Variants in RSBN1 observed in about 807,000 individuals in gnomAD.
RSBN1 encodes round spermatid basic protein 1.
In RSBN1, 23 loss-of-function variants were observed where a neutral mutation model predicts 74.8. The ratio of observed to expected loss-of-function variants is 0.31; its 90% CI spans 0.22 to 0.44. The LOEUF is 0.44. Ranked by LOEUF, RSBN1 falls within the 20% of genes least tolerant of loss-of-function variation. RSBN1 has a pLI of 1.00. For missense variants in RSBN1, 808 were observed against 1,020.9 expected (o/e 0.79, Z 2.84); for synonymous variants, 407 against 379.6 (o/e 1.07, Z -0.84).
intron 4 of RSBN1, among the ~76,000 whole-genome samples, chr1:113,773,513 A>G (rs1307966716): frequency 6.6e-6 from 1 of 151,916 alleles, no homozygotes; most frequent in African/African-American, 2.4e-5. Flanking sequence ...ACAGAGCAAG[A>G]CTCTGTCTAA....
At chr1:113,802,031 T>C (rs534603105) in intron 1 of RSBN1, among the ~76,000 whole-genome samples, 84 of 152,138 alleles carry the variant, frequency 5.5e-4, no homozygotes, top group South Asian at 1.9e-3. Flanking sequence ...CTCGGCTCAC[T>C]GCAACCTCTG....
intron 1 of RSBN1, among the ~76,000 whole-genome samples, chr1:113,800,287 C>G (rs1660555304): frequency 6.6e-6 from 1 of 152,078 alleles, no homozygotes; most frequent in African/African-American, 2.4e-5. Flanking sequence ...AATCAGAATA[C>G]TGTTAACCTG....
intron 2 of RSBN1, among the ~76,000 whole-genome samples, chr1:113,778,830 T>C (rs1320640932): frequency 6.6e-6 from 1 of 152,208 alleles, no homozygotes; most frequent in Non-Finnish European, 1.5e-5. Flanking sequence ...ATTTTCTCTA[T>C]ATCAACTCTC....
chr1:113,799,611 CAG>C, intron 1 of RSBN1, among the ~76,000 whole-genome samples: 1 of 134,790 alleles, frequency 7.4e-6, no homozygotes, highest in East Asian at 2.1e-4. Context: ...CACACACACA[CAG>C]AAAAATATCT....
At chr1:113,774,033 G>T (rs74226074) in intron 4 of RSBN1, among the ~76,000 whole-genome samples, 1 of 151,860 alleles carries the variant, frequency 6.6e-6, no homozygotes, top group Admixed American at 6.6e-5. Context: ...AAACAAACAC[G>T]CATATGCACA....
At chr1:113,804,907 T>TAAA (rs11406398) in intron 1 of RSBN1, among the ~76,000 whole-genome samples, 83 of 131,438 alleles carry the variant, frequency 6.3e-4, no homozygotes, top group Middle Eastern at 4.0e-3. Context: ...TGGTCAAGAG[T>TAAA]AAAAAAAAAA....
intron 2 of RSBN1, among the ~76,000 whole-genome samples, chr1:113,780,867 A>G (rs974531065): frequency 1.3e-5 from 2 of 152,244 alleles, no homozygotes; most frequent in Admixed American, 1.3e-4. Flanking sequence ...CTAGCTAGAG[A>G]AAGCCCTTAT....
At chr1:113,811,328 G>A (rs1362277796) in intron 1 of RSBN1, among the ~76,000 whole-genome samples, 1 of 152,176 alleles carries the variant, frequency 6.6e-6, no homozygotes, top group East Asian at 1.9e-4. Context: ...AGGGAGAGCA[G>A]ATAACTAAAG....
chr1:113,795,162 T>G (rs1031240638), intron 2 of RSBN1, among the ~76,000 whole-genome samples: 1 of 152,164 alleles, frequency 6.6e-6, no homozygotes, highest in Non-Finnish European at 1.5e-5. Flanking sequence ...GACCAGAGTG[T>G]TAGACAAATA....
chr1:113,806,028 G>A (rs1326438274), intron 1 of RSBN1, among the ~76,000 whole-genome samples: 2 of 152,056 alleles, frequency 1.3e-5, no homozygotes, highest in South Asian at 2.1e-4. Flanking sequence ...CTACAAGGTC[G>A]TTCCAACTAT....
chr1:113,800,923 G>A (rs1233790703), intron 1 of RSBN1, among the ~76,000 whole-genome samples: 3 of 149,910 alleles, frequency 2.0e-5, no homozygotes, highest in Non-Finnish European at 4.4e-5. Context: ...AAATCAACAT[G>A]ATAAAAATTT....
chr1:113,812,276 A>G lies in RSBN1; in HGVS notation c.137T>C (p.Val46Ala). 2 of 1,605,382 alleles carry G rather than the reference A, an allele frequency of 1.2e-6. No individual in the cohort carries two copies. Among genetic ancestry groups the G allele is most frequent in the African/African-American group, 1.3e-5 (1 of 74,970 alleles). The change falls in exon 1 of 7, where the codon GTG (valine) becomes GCG (alanine). Residue 46 changes from valine (V) to alanine (A), a missense_variant. Coordinates refer to ENST00000261441, the MANE Select transcript of RSBN1 (RefSeq NM_018364.5). Reference sequence around the variant, plus strand: ...TCCGACCTGCGCAGCCATTTCACCCACAAACACACATTTAAATGGCCCGAC... The same window carrying G: ...TCCGACCTGCGCAGCCATTTCACCCGCAAACACACATTTAAATGGCCCGAC... ...GAVGPFKCVF[V>A]GEMAAQVGAV...
At chr1:113,795,429 G>A (rs1421656774) in intron 2 of RSBN1, among the ~76,000 whole-genome samples, 1 of 152,170 alleles carries the variant, frequency 6.6e-6, no homozygotes, top group South Asian at 2.1e-4. Flanking sequence ...TTGAACTACT[G>A]TGTTAACTTC....
Position 113,773,163 on chromosome 1 carries a change from TAAAGGAAATTA to T in RSBN1, c.1658+4036_1658+4046del, listed in dbSNP as rs1659914555. ...AAAAACACCAAAATAGAAACATGTA[TAAAGGAAATTA>T]AAAGGAAATCACCAAAGACAAAATA... On this transcript the variant is annotated intron_variant, in intron 4 of 6. Transcript: ENST00000261441. Among the ~76,000 whole-genome samples, 3 of 152,176 alleles carry T rather than the reference TAAAGGAAATTA, an allele frequency of 2.0e-5. No homozygotes were observed. The South Asian group carries it at 6.2e-4, about 32-fold the overall frequency.
rs770668891 is a variant in RSBN1, at chr1:113,777,811, A to G, written c.1378-3T>C. On this transcript the variant is annotated splice_region_variant and splice_polypyrimidine_tract_variant and intron_variant, in intron 2 of 6. Coordinates refer to ENST00000261441, the MANE Select transcript of RSBN1 (RefSeq NM_018364.5). ...CCACAGCAGTATGTCCTGTTGACCT[A>G]AGATAAAACAAAAGAGGGAAAAATG... 1.3e-6 allele frequency: 2 copies of G among 1,544,254 alleles called. No individual in the cohort carries two copies. The highest frequency in any genetic ancestry group is 3.7e-5 in the Admixed American group (2 of 53,358).
intron 1 of RSBN1, among the ~76,000 whole-genome samples, chr1:113,811,172 A>G (rs2101832622): frequency 6.6e-6 from 1 of 152,322 alleles, no homozygotes; most frequent in African/African-American, 2.4e-5. Context: ...CTTTAAAATG[A>G]TTTTTACCTC....
chr1:113,784,974 A>G (rs1660209680), intron 2 of RSBN1, among the ~76,000 whole-genome samples: 1 of 152,176 alleles, frequency 6.6e-6, no homozygotes, highest in African/African-American at 2.4e-5. Flanking sequence ...TCAATAATAA[A>G]TTAACTTTAG....
intron 2 of RSBN1, among the ~76,000 whole-genome samples, chr1:113,789,244 A>C (rs1005908738): frequency 6.6e-6 from 1 of 152,126 alleles, no homozygotes; most frequent in African/African-American, 2.4e-5. Flanking sequence ...CTACATAATG[A>C]AGGCTTCATA....
Position 113,764,195 on chromosome 1 carries a change from C to G in RSBN1, c.*1785G>C, listed in dbSNP as rs1016246530. The G allele has an allele frequency of 6.6e-6, 1 of 152,584 alleles. No individual in the cohort carries two copies. Among genetic ancestry groups the G allele is most frequent in the Non-Finnish European group, 1.5e-5 (1 of 67,994 alleles). The allele number at this position is 152,584 out of a possible 1,614,324, so 9.5% of individuals were successfully genotyped here. ...CTGGAATTTACCCTAGAATTTATACCCAAGATTTAAAAACACCCCTGCAAT... is the reference window on the plus strand; with the variant it reads ...CTGGAATTTACCCTAGAATTTATACGCAAGATTTAAAAACACCCCTGCAAT... On this transcript the variant is annotated 3_prime_UTR_variant, in exon 7 of 7. Coordinates refer to ENST00000261441, the MANE Select transcript of RSBN1 (RefSeq NM_018364.5).
Sources: gnomAD v4.1 joint callset for allele counts (sites outside exome capture counted in the v4.1 genomes callset) on GRCh38, gnomAD v4.1.1 for gene constraint, MANE v1.5 for transcripts, NCBI Gene and HGNC (gene_info 2026-07-23, HGNC 2026-07-21) for gene names.